ALMS1: variants seen among roughly 807,000 people sequenced by gnomAD.
ALMS1 encodes ALMS1 centrosome and basal body associated protein.
A neutral mutation model predicts 352.2 loss-of-function variants in ALMS1; 271 were observed. The observed-to-expected ratio is 0.77, with a 90% CI of 0.70 to 0.85. The LOEUF is 0.85. Among genes scored for constraint, ALMS1 ranks in the 40% least tolerant of loss-of-function variants. ALMS1 has a pLI of 0.00. For synonymous variants in ALMS1, 1,865 were observed against 1,761.2 expected (o/e 1.06, Z -1.48); for missense variants, 5,445 against 4,870.7 (o/e 1.12, Z -3.51).
intron 9 of ALMS1, among the ~76,000 whole-genome samples, chr2:73,478,528 A>G (rs891503478): frequency 6.6e-6 from 1 of 152,146 alleles, no homozygotes; most frequent in Non-Finnish European, 1.5e-5. Flanking sequence ...TCCCACTGAT[A>G]TGTCAGGAGG....
At chr2:73,424,261 A>G (rs1881248) in intron 4 of ALMS1, among the ~76,000 whole-genome samples, 169 bp from the exon 5 acceptor site, 133,402 of 152,244 alleles carry the variant, frequency 0.88, 58,548 homozygotes, top group Admixed American at 0.92. Context: ...AATTTGCTTT[A>G]CTCAGTCATT....
intron 11 of ALMS1, among the ~76,000 whole-genome samples, chr2:73,533,913 T>C (rs945852184): frequency 6.6e-6 from 1 of 152,200 alleles, no homozygotes; most frequent in Non-Finnish European, 1.5e-5. Context: ...TTTTTCACTT[T>C]GTAAAAAGAA....
chr2:73,506,145 A>G (rs907496938), intron 10 of ALMS1, among the ~76,000 whole-genome samples: 6 of 152,146 alleles, frequency 3.9e-5, no homozygotes, highest in Admixed American at 1.3e-4. Context: ...CCATTGGTCT[A>G]TGTATCTGTT....
intron 13 of ALMS1, among the ~76,000 whole-genome samples, chr2:73,554,709 T>C (rs1404383938): frequency 6.6e-6 from 1 of 152,116 alleles, no homozygotes; most frequent in Non-Finnish European, 1.5e-5. Flanking sequence ...AATCAGGTGT[T>C]ACCCTCAGCA....
In ALMS1 at chr2:73,424,853, G is replaced by A. The variant is rs368655814; in HGVS notation, c.1188G>A (p.Gln396=). 7 of 1,606,952 alleles carry A rather than the reference G, an allele frequency of 4.4e-6. No individual in the cohort carries two copies. Among genetic ancestry groups the A allele is most frequent in the Non-Finnish European group, 6.0e-6 (7 of 1,175,880 alleles). The part of the protein sequence containing the change: ...DHFDAARSYG[Q]YWTQEDSSKQ... ...TTGATGCTGCTCGTTCATATGGGCAGTATTGGACACAGGAAGATTCATCTA... is the reference window on the plus strand; with the variant it reads ...TTGATGCTGCTCGTTCATATGGGCAATATTGGACACAGGAAGATTCATCTA... Residue 396 remains glutamine, a synonymous_variant, in exon 5 of 23, where the codon CAG becomes CAA. Coordinates refer to ENST00000613296, the MANE Select transcript of ALMS1 (RefSeq NM_001378454.1).
At chr2:73,486,233 A>G (rs867879632) in intron 9 of ALMS1, among the ~76,000 whole-genome samples, 2 of 152,104 alleles carry the variant, frequency 1.3e-5, no homozygotes, top group Non-Finnish European at 2.9e-5. Context: ...AGGTTTGCAA[A>G]TATTTTCTTG....
intron 16 of ALMS1, among the ~76,000 whole-genome samples, chr2:73,581,872 G>A (rs1241607673): frequency 6.6e-6 from 1 of 151,830 alleles, no homozygotes; most frequent in Non-Finnish European, 1.5e-5. Context: ...AGCCTACCGA[G>A]TAGCTGGGAC....
chr2:73,530,866 A>G (rs191972890), intron 11 of ALMS1, among the ~76,000 whole-genome samples: 108 of 152,344 alleles, frequency 7.1e-4, no homozygotes, highest in Non-Finnish European at 1.3e-3. Flanking sequence ...CTCTGAAGCA[A>G]TGTCCTGAGC....
intron 9 of ALMS1, among the ~76,000 whole-genome samples, chr2:73,460,950 C>T (rs1299379142): frequency 1.3e-5 from 2 of 152,226 alleles, no homozygotes; most frequent in African/African-American, 2.4e-5. Flanking sequence ...GAAGCTCGAA[C>T]TGGGTGGAGC....
intron 9 of ALMS1, among the ~76,000 whole-genome samples, chr2:73,474,861 C>T (rs1426808837): frequency 6.6e-6 from 1 of 152,052 alleles, no homozygotes; most frequent in African/African-American, 2.4e-5. Flanking sequence ...TAGAATTTTA[C>T]AATAGCATAA....
At chr2:73,407,767 A>G (rs939333273) in intron 1 of ALMS1, among the ~76,000 whole-genome samples, 1 of 152,162 alleles carries the variant, frequency 6.6e-6, no homozygotes, top group Admixed American at 6.5e-5. Context: ...TATGTTGGCC[A>G]GGCTGGTCTG....
At chr2:73,588,322 CTGTT>C (rs1385392834) in intron 16 of ALMS1, among the ~76,000 whole-genome samples, 2 of 152,094 alleles carry the variant, frequency 1.3e-5, no homozygotes, top group Non-Finnish European at 2.9e-5. Flanking sequence ...TGCACTCTGT[CTGTT>C]TCTCTGTTCT....
At chr2:73,538,303 C>G (rs1426113705) in intron 12 of ALMS1, among the ~76,000 whole-genome samples, 2 of 152,098 alleles carry the variant, frequency 1.3e-5, no homozygotes, top group African/African-American at 4.8e-5. Context: ...ACCTGAAAAT[C>G]TTCTCTATAT....
chr2:73,591,537 T>C (rs1675433606), intron 16 of ALMS1, among the ~76,000 whole-genome samples: 1 of 152,208 alleles, frequency 6.6e-6, no homozygotes, highest in Non-Finnish European at 1.5e-5. Flanking sequence ...GGACACCTTA[T>C]AAAAATTGAC....
rs1670702922 is a variant in ALMS1 at position 73,393,876 on chromosome 2, A to G, written c.324+7684A>G. Among the ~76,000 whole-genome samples, 3 of 145,742 alleles carry G rather than the reference A, an allele frequency of 2.1e-5. No homozygotes were observed. In the South Asian group the frequency reaches 6.4e-4, roughly 31 times the overall value. On this transcript the variant is annotated intron_variant, in intron 1 of 22. Transcript: ENST00000613296. Reference sequence around the variant, plus strand: ...TTGTTGCCCAGGCTGGAGTGCATGCAGTGGTGCAATCTCGGCTCACTGCAA... The same window carrying G: ...TTGTTGCCCAGGCTGGAGTGCATGCGGTGGTGCAATCTCGGCTCACTGCAA...
At chr2:73,513,885 G>A (rs1673502742) in intron 10 of ALMS1, among the ~76,000 whole-genome samples, 1 of 152,108 alleles carries the variant, frequency 6.6e-6, no homozygotes, top group Admixed American at 6.5e-5. Context: ...TTACCCTAAT[G>A]AGATTCTGAT....
chr2:73,506,954 C>G lies in ALMS1; in HGVS notation c.9540-12821C>G, dbSNP rs562883217. On this transcript the variant is annotated intron_variant, in intron 10 of 22. Coordinates refer to ENST00000613296, the MANE Select transcript of ALMS1 (RefSeq NM_001378454.1). The stretch of plus-strand genomic sequence containing the variant: ...CTTATTTTTTTGAGACATGTTCCAT[C>G]AATACCTAGTTTATTGAGTGTTTTT... Among the ~76,000 whole-genome samples, 12 of 152,258 alleles carry G rather than the reference C, an allele frequency of 7.9e-5. No individual in the cohort carries two copies. In the South Asian group the frequency reaches 2.5e-3, roughly 32 times the overall value.
At chr2:73,548,969 C>A (rs1674374480) in intron 12 of ALMS1, among the ~76,000 whole-genome samples, 1 of 152,130 alleles carries the variant, frequency 6.6e-6, no homozygotes, top group Non-Finnish European at 1.5e-5. Flanking sequence ...TTGAGAAGAA[C>A]CCAATATAAT....
chr2:73,396,730 C>T (rs1484698458), intron 1 of ALMS1, among the ~76,000 whole-genome samples: 22 of 151,020 alleles, frequency 1.5e-4, no homozygotes, highest in Non-Finnish European at 1.9e-4. Context: ...CTGCAAGCTC[C>T]GCCTCCCAGG....
Sources: allele counts gnomAD v4.1 joint callset (sites outside exome capture counted in the v4.1 genomes callset), GRCh38; gene constraint gnomAD v4.1.1; transcripts MANE v1.5; gene names NCBI Gene and HGNC (gene_info 2026-07-23, HGNC 2026-07-21).